MEGF8: variants seen among roughly 807,000 people sequenced by gnomAD.
MEGF8 encodes multiple EGF like domains 8.
Under a neutral mutation model 302.9 loss-of-function variants are expected in MEGF8, and 156 were observed. The ratio of observed to expected loss-of-function variants is 0.52; its 90% CI spans 0.45 to 0.59. MEGF8 has a LOEUF of 0.59. Ranked by LOEUF, MEGF8 falls within the 20% of genes least tolerant of loss-of-function variation. MEGF8 has a pLI of 0.00. For synonymous variants in MEGF8, 1,621 were observed against 1,660.5 expected (o/e 0.98, Z 0.58); for missense variants, 3,345 against 3,964.5 (o/e 0.84, Z 4.20).
chr19:42,334,965 G>A, intron 3 of MEGF8, 70 bp from the exon 4 acceptor site: 1 of 1,461,446 alleles, frequency 6.8e-7, no homozygotes, highest in South Asian at 1.4e-5. Flanking sequence ...TTTCCTCTCT[G>A]TGTCTCCTTT....
intron 35 of MEGF8, among the ~76,000 whole-genome samples, chr19:42,364,265 G>A (rs1379882277): frequency 6.6e-6 from 1 of 152,048 alleles, no homozygotes; most frequent in Non-Finnish European, 1.5e-5. Flanking sequence ...TTAAACTGTC[G>A]TGGTGGCAGA....
chr19:42,350,294 G>A lies in MEGF8; in HGVS notation c.2646G>A (p.Gly882=). The change falls in exon 15 of 42, where the codon GGG becomes GGA. Residue 882 remains glycine, a synonymous_variant. Coordinates refer to ENST00000251268, the MANE Select transcript of MEGF8 (RefSeq NM_001271938.2). ...CHLRQGGAHC[G]DDGAGGSLLV... is the part of the protein sequence containing the mutation. ...TGCGCCAGGGCGGAGCCCATTGCGG[G>A]GATGACGGGGCTGGTGGGTCCCTGC... 6.2e-7 allele frequency: 1 copy of A among 1,609,658 alleles called. No individual in the cohort carries two copies. The highest frequency in any genetic ancestry group is 8.5e-7 in the Non-Finnish European group (1 of 1,179,730).
chr19:42,336,495 C>G lies in MEGF8; in HGVS notation c.1244+149C>G. ...TCATGTATTTACTTATTCCTTCGTT[C>G]ACTCATTCATTCATTCACCCACTCA... On this transcript the variant is annotated intron_variant, in intron 6 of 41. Transcript: ENST00000251268. The surrounding 1 kb of genome is among the most constrained non-coding windows in gnomAD (Gnocchi z 4.8). 1.1e-6 allele frequency: 1 copy of G among 908,992 alleles called. No homozygotes were observed. The highest frequency in any genetic ancestry group is 1.6e-6 in the Non-Finnish European group (1 of 622,920). The allele number at this position is 908,992 out of a possible 1,614,324, so 56.3% of individuals were successfully genotyped here. A position where few individuals can be genotyped will look rare whatever the true frequency, so the allele number is the denominator to read the frequency against.
chr19:42,338,438 T>C (rs1277182662), intron 8 of MEGF8, among the ~76,000 whole-genome samples: 2 of 152,044 alleles, frequency 1.3e-5, no homozygotes, highest in Non-Finnish European at 2.9e-5. Flanking sequence ...GACGAGGTTT[T>C]GCCATGTTGG....
intron 35 of MEGF8, among the ~76,000 whole-genome samples, chr19:42,363,579 AT>A (rs935622010): frequency 2.0e-5 from 3 of 152,144 alleles, no homozygotes; most frequent in African/African-American, 7.2e-5. Flanking sequence ...TTTTAATTTA[AT>A]TTTTTGTTTT....
At chr19:42,341,699 A>G (rs1453953400) in intron 8 of MEGF8, among the ~76,000 whole-genome samples, 1 of 152,166 alleles carries the variant, frequency 6.6e-6, no homozygotes, top group Non-Finnish European at 1.5e-5. Context: ...TGTGAGATCC[A>G]GCCTCCCAAC....
Position 42,368,861 on chromosome 19 carries a change from CG to C in MEGF8, c.6505del (p.Ala2169ProfsTer47). ...GTGCTAGGGCTGACATGTGGGCGTC[CG>C]GGGGCCTCCTGGGCCTTCCTGTCCT... The part of the protein sequence containing the change: ...GPRDGLTCGR[P>X]GASWAFLSCP... On this transcript the variant is annotated frameshift_variant, in exon 37 of 42. Coordinates refer to ENST00000251268, the MANE Select transcript of MEGF8 (RefSeq NM_001271938.2). LOFTEE classifies it high-confidence loss of function. This position sits in a 1 kb window ranked among gnomAD's most constrained non-coding sequence, Gnocchi z 4.9. The C allele has an allele frequency of 6.2e-7, 1 of 1,613,636 alleles. No homozygotes were observed. The highest frequency in any genetic ancestry group is 8.5e-7 in the Non-Finnish European group (1 of 1,179,790).
Position 42,351,524 on chromosome 19 carries a change from G to A in MEGF8, c.2951G>A (p.Arg984Gln), listed in dbSNP as rs759793369. 1.4e-5 allele frequency: 22 copies of A among 1,608,410 alleles called. No homozygotes were observed. The highest frequency in any genetic ancestry group is 1.2e-4 in the South Asian group (11 of 89,864). Residue 984 changes from arginine to glutamine, a missense_variant, in exon 17 of 42, where the codon CGG becomes CAG. Physicochemically the swap from Arg to Gln is conservative, Grantham distance 43. Transcript: ENST00000251268. This position sits in a 1 kb window ranked among gnomAD's most constrained non-coding sequence, Gnocchi z 5.6. ...TTCCTGTTTGCTGCCTACTTGGCCC[G>A]GTACCCACACGGGGGCTGTCGAGGC... is the stretch of plus-strand genomic sequence containing the variant. ...TCFLFAAYLA[R>Q]YPHGGCRGWD...
intron 23 of MEGF8, among the ~76,000 whole-genome samples, chr19:42,355,132 T>G (rs897512289): frequency 1.3e-5 from 2 of 152,132 alleles, no homozygotes; most frequent in Admixed American, 1.3e-4. Context: ...AATTTTTGTA[T>G]TTTTAGTAGA....
At position 42,352,251 on chromosome 19, in the gene MEGF8, T is replaced by G; in HGVS notation, c.3145T>G (p.Cys1049Gly). Reference protein sequence around the residue: ...DFSGPLGGGNCSLWVGEGLGL... With the variant: ...DFSGPLGGGNGSLWVGEGLGL... ...CTCAGGGCCCCTCGGTGGGGGTAAC[T>G]GCTCCCTGTGGGTGGGGGAGGGCCT... is the stretch of plus-strand genomic sequence containing the variant. Residue 1049 changes from cysteine (C) to glycine (G), a missense_variant, in exon 19 of 42, where the codon TGC becomes GGC. Cys to Gly is a radical substitution (Grantham distance 159, BLOSUM62 -3). Coordinates refer to ENST00000251268, the MANE Select transcript of MEGF8 (RefSeq NM_001271938.2). This position sits in a 1 kb window ranked among gnomAD's most constrained non-coding sequence, Gnocchi z 4.4. 6.4e-7 allele frequency: 1 copy of G among 1,560,196 alleles called. No homozygotes were observed.
In MEGF8 at chr19:42,369,802, G is replaced by C. The variant is rs530685082; in HGVS notation, c.6834+79G>C. 1 of 1,424,158 alleles carries C rather than the reference G, an allele frequency of 7.0e-7. No homozygotes were observed. The highest frequency in any genetic ancestry group is 1.3e-5 in the South Asian group (1 of 75,504). The allele number at this position is 1,424,158 out of a possible 1,614,324, so 88.2% of individuals were successfully genotyped here. On this transcript the variant is annotated intron_variant, in intron 38 of 41. Transcript: ENST00000251268. This position sits in a 1 kb window ranked among gnomAD's most constrained non-coding sequence, Gnocchi z 5.7. Reference sequence around the variant, plus strand: ...CCTTCATCCCACGCTCAGGCGGCTCGCATCTCATCCTGAGCCCTGATAAGC... The same window carrying C: ...CCTTCATCCCACGCTCAGGCGGCTCCCATCTCATCCTGAGCCCTGATAAGC...
Position 42,344,598 on chromosome 19 carries a change from A to G in MEGF8, c.1933+13A>G, listed in dbSNP as rs139484187. 48,863 of 1,585,342 alleles carry G rather than the reference A, an allele frequency of 0.031. 1,023 individuals carry two copies. Among genetic ancestry groups the G allele is most frequent in the Admixed American group, 0.095 (5,537 of 58,272 alleles). ...CTCCCTAGGCCTGGTGAGTGTCCGC[A>G]GCAGTGGGCCGGCAGGAGGGGGCCA... On this transcript the variant is annotated intron_variant, in intron 11 of 41. Coordinates refer to ENST00000251268, the MANE Select transcript of MEGF8 (RefSeq NM_001271938.2). This position sits in a 1 kb window ranked among gnomAD's most constrained non-coding sequence, Gnocchi z 4.5.
intron 1 of MEGF8, among the ~76,000 whole-genome samples, chr19:42,327,424 CT>C (rs1317131797): frequency 1.3e-5 from 2 of 152,160 alleles, no homozygotes; most frequent in East Asian, 3.8e-4. Flanking sequence ...AGTGCCTGAT[CT>C]GGGGCCGGGG....
intron 13 of MEGF8, 97 bp from the exon 14 acceptor site, chr19:42,349,402 G>A (rs1315298326): frequency 3.7e-6 from 4 of 1,070,154 alleles, no homozygotes; most frequent in East Asian, 2.6e-5. Context: ...CTTCTTAGGA[G>A]GGGGTGGGGT....
In MEGF8 at chr19:42,354,706, T is replaced by A. The variant is rs1330760867; in HGVS notation, c.4130T>A (p.Val1377Asp). The A allele has an allele frequency of 6.2e-7, 1 of 1,606,154 alleles. No homozygotes were observed. Among genetic ancestry groups the A allele is most frequent in the African/African-American group, 1.3e-5 (1 of 74,910 alleles). Residue 1377 changes from valine (V) to aspartate (D), a missense_variant, in exon 23 of 42, where the codon GTT becomes GAT. Physicochemically the swap from Val to Asp is radical, Grantham distance 152 (BLOSUM62 -3). Transcript: ENST00000251268. The surrounding 1 kb of genome is among the most constrained non-coding windows in gnomAD (Gnocchi z 4.3). ...CAGCGACGGGACAGGCCCCTCACTG[T>A]TCAGGCCCTGTCTGGTACGGGGGCT... Reference protein sequence around the residue: ...CGQRRDRPLTVQALSGLLVLH... With the variant: ...CGQRRDRPLTDQALSGLLVLH...
chr19:42,336,349 A>G lies in MEGF8; in HGVS notation c.1244+3A>G, dbSNP rs2147450985. On this transcript the variant is annotated splice_donor_region_variant and intron_variant, in intron 6 of 41. Transcript: ENST00000251268. The surrounding 1 kb of genome is among the most constrained non-coding windows in gnomAD (Gnocchi z 4.8). ...GGACACCGGCCCTCCACTGCCCGGT[A>G]AGTGACCTGTCCCATAACCCATGCT... is the stretch of plus-strand genomic sequence containing the variant. 1.9e-6 allele frequency: 3 copies of G among 1,587,408 alleles called. No individual in the cohort carries two copies. In the East Asian group the frequency reaches 6.7e-5, roughly 36 times the overall value.
At chr19:42,328,112 C>G (rs947601260) in intron 1 of MEGF8, among the ~76,000 whole-genome samples, 2 of 152,156 alleles carry the variant, frequency 1.3e-5, no homozygotes, top group Admixed American at 1.3e-4. Flanking sequence ...ACATAGAATA[C>G]AAGACAACGA....
Position 42,326,172 on chromosome 19 carries a change from A to G in MEGF8, c.-72A>G. On this transcript the variant is annotated 5_prime_UTR_variant, in exon 1 of 42. Coordinates refer to ENST00000251268, the MANE Select transcript of MEGF8 (RefSeq NM_001271938.2). ...ATAGAGGTCGCATTTGCAGGGCCTC[A>G]CCCCGGGTAGAGGGTCCTCTCCAGG... is the stretch of plus-strand genomic sequence containing the variant. The G allele has an allele frequency of 1.4e-6, 2 of 1,430,252 alleles. No homozygotes were observed. Among genetic ancestry groups the G allele is most frequent in the Non-Finnish European group, 1.8e-6 (2 of 1,097,654 alleles). The allele number at this position is 1,430,252 out of a possible 1,614,324, so 88.6% of individuals were successfully genotyped here. A position where few individuals can be genotyped will look rare whatever the true frequency, so the allele number is the denominator to read the frequency against.
chr19:42,362,037 C>T, intron 32 of MEGF8, 53 bp from the exon 33 acceptor site: 4 of 1,597,708 alleles, frequency 2.5e-6, no homozygotes, highest in Non-Finnish European at 2.6e-6. Flanking sequence ...GTCTGGGAGG[C>T]AGAAGGAGGG....
Sources: allele counts gnomAD v4.1 joint callset (sites outside exome capture counted in the v4.1 genomes callset), GRCh38; gene constraint gnomAD v4.1.1; non-coding constraint Gnocchi (gnomAD v3.1); transcripts MANE v1.5; gene names NCBI Gene and HGNC (gene_info 2026-07-23, HGNC 2026-07-21).